Variants in GPHN observed in about 807,000 individuals in gnomAD.
GPHN encodes the protein gephyrin.
Under a neutral mutation model 95.5 loss-of-function variants are expected in GPHN, and 17 were observed. The ratio of observed to expected loss-of-function variants is 0.18; its 90% CI spans 0.12 to 0.27. The LOEUF (loss-of-function observed/expected upper bound fraction) is 0.27. Among genes scored for constraint, GPHN ranks in the 10% least tolerant of loss-of-function variants. The pLI is 1.00. For missense variants in GPHN, 660 were observed against 978.1 expected (o/e 0.67, Z 4.34); for synonymous variants, 320 against 322.5 (o/e 0.99, Z 0.08).
chr14:67,378,032 C>T, the GPHN span, among the ~76,000 whole-genome samples: 1 of 151,708 alleles, frequency 6.6e-6, no homozygotes, highest in South Asian at 2.1e-4. Flanking sequence ...AGGAGGATCA[C>T]TTGAGTCCAG....
chr14:67,504,920 C>G, the GPHN span, among the ~76,000 whole-genome samples: 1 of 149,346 alleles, frequency 6.7e-6, no homozygotes, highest in Non-Finnish European at 1.5e-5. Context: ...AACAAAAACA[C>G]AATAGAACAC....
At chr14:67,089,154 T>TTG (rs2077047317) in intron 12 of GPHN, 79 bp downstream of exon 12, 1 of 492,400 alleles carries the variant, frequency 2.0e-6, no homozygotes, top group Non-Finnish European at 3.6e-6. Context: ...TTTTTTTTTT[T>TTG]TTTTCAAATT....
intron 1 of GPHN, among the ~76,000 whole-genome samples, chr14:66,562,477 G>C (rs1284396253): frequency 2.0e-5 from 3 of 151,946 alleles, no homozygotes; most frequent in African/African-American, 7.2e-5. Context: ...ACAAAATTTG[G>C]GGTGGGGGAA....
chr14:67,571,686 G>T, the GPHN span: 2 of 1,546,450 alleles, frequency 1.3e-6, no homozygotes, highest in South Asian at 2.2e-5. Flanking sequence ...AGGAGTGCAA[G>T]CTGCAGGGTT....
chr14:67,444,707 C>A, the GPHN span, among the ~76,000 whole-genome samples: 18 of 152,298 alleles, frequency 1.2e-4, 1 homozygote, highest in Admixed American at 9.2e-4. Flanking sequence ...AACTTTCAGT[C>A]CTCTGTCCTG....
At chr14:67,644,601 CATTT>C in the GPHN span, among the ~76,000 whole-genome samples, 18 of 152,308 alleles carry the variant, frequency 1.2e-4, no homozygotes, top group Admixed American at 1.2e-3. Flanking sequence ...AGCTTTCCAA[CATTT>C]ATTTCATCAG....
At chr14:67,665,156 C>A in the GPHN span, among the ~76,000 whole-genome samples, 7 of 152,122 alleles carry the variant, frequency 4.6e-5, no homozygotes, top group Non-Finnish European at 8.8e-5. Flanking sequence ...CCCGGCCAAG[C>A]CCTGACTTTT....
In GPHN at chr14:66,538,256, T is replaced by A. The variant is rs1315123873; in HGVS notation, c.64+29665T>A. The stretch of plus-strand genomic sequence containing the variant: ...ATTTTTATTTTTGTCTTTAGTTCAT[T>A]AATAGTTTGTATGGTGCCTAGGCAT... On this transcript the variant is annotated intron_variant, in intron 1 of 22. Coordinates refer to ENST00000478722, the MANE Select transcript of GPHN (RefSeq NM_020806.5). 2.6e-5 allele frequency among the ~76,000 whole-genome samples: 4 copies of A among 152,288 alleles called. No individual in the cohort carries two copies. In the East Asian group the frequency reaches 7.7e-4, roughly 29 times the overall value.
intron 1 of GPHN, among the ~76,000 whole-genome samples, chr14:66,544,936 A>G (rs982561780): frequency 3.3e-5 from 5 of 152,186 alleles, no homozygotes; most frequent in African/African-American, 9.7e-5. Flanking sequence ...ATCCCAAGGC[A>G]GAAGAATATT....
the GPHN span, chr14:67,727,271 T>TCTTC: frequency 9.6e-7 from 1 of 1,036,296 alleles, no homozygotes; most frequent in Non-Finnish European, 1.5e-6. Context: ...AGTCAGGCTG[T>TCTTC]CAAACATGCA....
At chr14:67,589,371 C>G in the GPHN span, 5 of 984,742 alleles carry the variant, frequency 5.1e-6, no homozygotes, top group Non-Finnish European at 6.0e-6. Context: ...AAACCAAAGT[C>G]CAATTTCTGT....
At chr14:67,144,541 T>C (rs1279253922) in intron 18 of GPHN, among the ~76,000 whole-genome samples, 4 of 151,968 alleles carry the variant, frequency 2.6e-5, no homozygotes, top group African/African-American at 7.3e-5. Context: ...CTGATAATCC[T>C]TTTCCATGTT....
intron 1 of GPHN, among the ~76,000 whole-genome samples, chr14:66,631,268 T>C (rs10146592): frequency 0.33 from 49,742 of 151,710 alleles, 11,987 homozygotes; most frequent in African/African-American, 0.66. Context: ...GGGCTGGTCT[T>C]GAACTCCTGA....
intron 1 of GPHN, among the ~76,000 whole-genome samples, chr14:66,551,899 A>C (rs967530035): frequency 3.9e-5 from 6 of 152,186 alleles, no homozygotes; most frequent in African/African-American, 1.4e-4. Context: ...CCACCAGGCC[A>C]CTCTTCCAAC....
At chr14:67,151,317 T>G (rs2081275135) in intron 18 of GPHN, among the ~76,000 whole-genome samples, 1 of 152,208 alleles carries the variant, frequency 6.6e-6, no homozygotes, top group Admixed American at 6.5e-5. Context: ...CACAAAAATC[T>G]TAATTGATTT....
chr14:66,739,026 T>G (rs1440909333), intron 2 of GPHN, among the ~76,000 whole-genome samples: 1 of 152,058 alleles, frequency 6.6e-6, no homozygotes, highest in African/African-American at 2.4e-5. Flanking sequence ...CTACTCTGCT[T>G]ACCCCCATCT....
At chr14:67,536,048 G>C in the GPHN span, among the ~76,000 whole-genome samples, 22 of 152,326 alleles carry the variant, frequency 1.4e-4, no homozygotes, top group South Asian at 4.6e-3. Context: ...GTCAGTGCCA[G>C]AGCATGGGAT....
chr14:67,475,465 T>C, the GPHN span, among the ~76,000 whole-genome samples: 2 of 152,228 alleles, frequency 1.3e-5, no homozygotes, highest in Non-Finnish European at 2.9e-5. Flanking sequence ...GGAACCACTG[T>C]GCTGTTTTCC....
At chr14:67,665,613 A>G in the GPHN span, among the ~76,000 whole-genome samples, 1 of 152,108 alleles carries the variant, frequency 6.6e-6, no homozygotes, top group African/African-American at 2.4e-5. Flanking sequence ...GGATGCGTAT[A>G]TTCTATAATC....
Sources: gnomAD v4.1 joint callset for allele counts (sites outside exome capture counted in the v4.1 genomes callset) on GRCh38, gnomAD v4.1.1 for gene constraint, MANE v1.5 for transcripts, NCBI Gene and HGNC (gene_info 2026-07-23, HGNC 2026-07-21) for gene names.